The following MTRES1 variants were observed in gnomAD, a reference collection of about 807,000 sequenced individuals.
MTRES1 encodes uncharacterized protein C6orf203.
In MTRES1, 11 loss-of-function variants were observed where a neutral mutation model predicts 17.4. The observed-to-expected ratio is 0.63, with a 90% CI of 0.40 to 1.05. The LOEUF is 1.05. MTRES1 is among the 50% of genes least tolerant of loss of function. The probability of loss-of-function intolerance (pLI) is 0.00; values close to 1 mark genes in which losing one functional copy is unlikely to be tolerated. For missense variants in MTRES1, 268 were observed against 276.2 expected (o/e 0.97, Z 0.21); for synonymous variants, 94 against 99.6 (o/e 0.94, Z 0.34).
intron 1 of MTRES1, among the ~76,000 whole-genome samples, chr6:107,038,051 T>C (rs903354944): frequency 1.3e-5 from 2 of 151,910 alleles, no homozygotes; most frequent in African/African-American, 4.8e-5. Flanking sequence ...ATTATAGTTA[T>C]GTTGAAACAG....
rs371010347 is a variant in MTRES1 at position 107,030,176 on chromosome 6, A to G, written c.-13+1905A>G. ...GAATTTGCAAGAGTCAAATTGGCAG[A>G]TGAGGTTGGAGAGGAAATGGGGGTT... On this transcript the variant is annotated intron_variant, in intron 1 of 3. Transcript: ENST00000311381. 387 of 718,472 alleles carry G rather than the reference A, an allele frequency of 5.4e-4. 1 individual carries two copies. Among genetic ancestry groups the G allele is most frequent in the Middle Eastern group, 9.2e-4 (4 of 4,370 alleles). 44.5% of individuals were successfully genotyped at this position (718,472 alleles called of 1,614,324 possible).
At chr6:107,041,462 T>C (rs1554227765) in intron 2 of MTRES1, among the ~76,000 whole-genome samples, 1 of 152,206 alleles carries the variant, frequency 6.6e-6, no homozygotes, top group African/African-American at 2.4e-5. Flanking sequence ...ATATGTTGGC[T>C]ATTTTGAAGA....
Position 107,051,370 on chromosome 6 carries a change from G to T in MTRES1, c.*134G>T, listed in dbSNP as rs1554229230. 1.0e-5 allele frequency: 8 copies of T among 783,878 alleles called. No homozygotes were observed. The highest frequency in any genetic ancestry group is 1.4e-5 in the Non-Finnish European group (7 of 505,534). 48.6% of individuals were successfully genotyped at this position (783,878 alleles called of 1,614,324 possible). On this transcript the variant is annotated 3_prime_UTR_variant, in exon 4 of 4. Coordinates refer to ENST00000311381, the MANE Select transcript of MTRES1 (RefSeq NM_016487.5). ...TGCCGAGCCATTTTGTGGAAATTGG[G>T]ATCCATATCTGGAGACACTTCCCAA...
intron 3 of MTRES1, among the ~76,000 whole-genome samples, chr6:107,048,543 A>C (rs13216417): frequency 2.0e-5 from 3 of 151,630 alleles, no homozygotes; most frequent in African/African-American, 7.3e-5. Flanking sequence ...GCACTTTGGG[A>C]GGCCAAGGCA....
intron 1 of MTRES1, among the ~76,000 whole-genome samples, chr6:107,036,004 T>A (rs968382548): frequency 6.6e-6 from 1 of 152,156 alleles, no homozygotes; most frequent in Non-Finnish European, 1.5e-5. Context: ...TATATACATA[T>A]AATCAGAAAT....
chr6:107,041,994 T>A (rs1774232798), intron 2 of MTRES1, among the ~76,000 whole-genome samples: 1 of 152,142 alleles, frequency 6.6e-6, no homozygotes, highest in African/African-American at 2.4e-5. Flanking sequence ...TTTGTACCTT[T>A]ATGACCTAAT....
chr6:107,035,897 C>T (rs1554226896), intron 1 of MTRES1, among the ~76,000 whole-genome samples: 1 of 152,148 alleles, frequency 6.6e-6, no homozygotes, highest in Non-Finnish European at 1.5e-5. Context: ...TATCTGCCAG[C>T]CTTGGCCTCC....
At chr6:107,048,443 G>A (rs12176370) in intron 3 of MTRES1, among the ~76,000 whole-genome samples, 29,644 of 151,142 alleles carry the variant, frequency 0.2, 3,804 homozygotes, top group Middle Eastern at 0.32. Context: ...ATTTCTAGAC[G>A]GATTTTTTAA....
intron 3 of MTRES1, among the ~76,000 whole-genome samples, chr6:107,048,591 C>G (rs1267307370): frequency 6.6e-6 from 1 of 151,236 alleles, no homozygotes; most frequent in Non-Finnish European, 1.5e-5. Context: ...ACCATTCTGG[C>G]CAACATGATG....
At chr6:107,043,544 C>G (rs1279186532) in intron 2 of MTRES1, among the ~76,000 whole-genome samples, 1 of 152,038 alleles carries the variant, frequency 6.6e-6, no homozygotes, top group Non-Finnish European at 1.5e-5. Context: ...CTTACTGATA[C>G]ACAGTTACAA....
rs547145193 is a variant in MTRES1, at chr6:107,041,087, G to A, written c.470+857G>A. On this transcript the variant is annotated intron_variant, in intron 2 of 3. Coordinates refer to ENST00000311381, the MANE Select transcript of MTRES1 (RefSeq NM_016487.5). ...TAAAAATACAAAAAATTAGCCAGGC[G>A]TGGTGGCAGGCGCCTGTAGTCCCAG... Among the ~76,000 whole-genome samples the A allele has an allele frequency of 1.3e-3, 199 of 151,136 alleles. 3 individuals carry two copies. The highest frequency in any genetic ancestry group is 4.4e-3 in the African/African-American group (182 of 40,946).
rs562313415 is a variant in MTRES1 at position 107,040,300 on chromosome 6, A to G, written c.470+70A>G. ...TTATTTTAATATAGCATTACAAATC[A>G]CTTGGCCCATATTATGGTGAAGAAT... On this transcript the variant is annotated intron_variant, in intron 2 of 3. Coordinates refer to ENST00000311381, the MANE Select transcript of MTRES1 (RefSeq NM_016487.5). 25 of 1,393,336 alleles carry G rather than the reference A, an allele frequency of 1.8e-5. No homozygotes were observed. The African/African-American group carries it at 2.9e-4, about 16-fold the overall frequency. 86.3% of individuals were successfully genotyped at this position (1,393,336 alleles called of 1,614,324 possible).
intron 3 of MTRES1, among the ~76,000 whole-genome samples, chr6:107,047,841 G>A (rs1188498702): frequency 1.8e-4 from 28 of 152,024 alleles, no homozygotes; most frequent in South Asian, 6.2e-4. Flanking sequence ...AGCCAAGATC[G>A]CGCCATTGCA....
intron 1 of MTRES1, among the ~76,000 whole-genome samples, chr6:107,031,071 C>T (rs1236130642): frequency 2.0e-5 from 3 of 152,070 alleles, no homozygotes; most frequent in African/African-American, 7.2e-5. Flanking sequence ...GAGCCCTGGG[C>T]CGCTCCAACT....
intron 3 of MTRES1, among the ~76,000 whole-genome samples, chr6:107,046,091 G>T (rs1165951371): frequency 2.0e-5 from 3 of 152,192 alleles, no homozygotes; most frequent in African/African-American, 7.2e-5. Context: ...CCCCTGACTT[G>T]AACCGGCAGG....
chr6:107,050,551 CTTTTTT>C (rs142268482), intron 3 of MTRES1, among the ~76,000 whole-genome samples: 9 of 81,512 alleles, frequency 1.1e-4, no homozygotes, highest in Non-Finnish European at 1.7e-4. Context: ...CTCTCCCTTT[CTTTTTT>C]TTTTTTTTTT....
chr6:107,042,201 G>A (rs886677267), intron 2 of MTRES1, among the ~76,000 whole-genome samples: 13 of 152,014 alleles, frequency 8.6e-5, no homozygotes, highest in East Asian at 2.0e-4. Flanking sequence ...TTGGCCGGGC[G>A]TGGTGGCAGG....
In MTRES1 at chr6:107,050,551, CT is replaced by C. The variant is rs142268482; in HGVS notation, c.544-481del. Among the ~76,000 whole-genome samples the C allele has an allele frequency of 6.4e-3, 523 of 81,500 alleles. 2 individuals are homozygous for C. Among genetic ancestry groups the C allele is most frequent in the African/African-American group, 0.025 (498 of 19,908 alleles). The allele number at this position is 81,500 out of a possible 152,430, so 53.5% of individuals were successfully genotyped here. On this transcript the variant is annotated intron_variant, in intron 3 of 3. Transcript: ENST00000311381. ...CTTGTATTTGAGGCACTCTCCCTTT[CT>C]TTTTTTTTTTTTTTTTTTTTTTTTC...
intron 1 of MTRES1, among the ~76,000 whole-genome samples, chr6:107,030,406 C>T (rs528881311): frequency 2.0e-5 from 3 of 152,200 alleles, no homozygotes; most frequent in East Asian, 1.9e-4. Flanking sequence ...AGACTCAGCA[C>T]GTAGTCATAC....
Sources: gnomAD v4.1 joint callset for allele counts (sites outside exome capture counted in the v4.1 genomes callset) on GRCh38, gnomAD v4.1.1 for gene constraint, MANE v1.5 for transcripts, NCBI Gene and HGNC (gene_info 2026-07-23, HGNC 2026-07-21) for gene names.